The following MALL variants were observed in gnomAD, a reference collection of about 807,000 sequenced individuals.
MALL encodes the protein mal, T cell differentiation protein like.
Under a neutral mutation model 10.3 loss-of-function variants are expected in MALL, and 2 were observed. That is an observed-to-expected ratio of 0.19 (90% CI 0.08 to 0.61). The LOEUF is 0.61. Ranked by LOEUF, MALL falls within the 20% of genes least tolerant of loss-of-function variation. The pLI is 0.88. For missense variants in MALL, 39 were observed against 115.2 expected (o/e 0.34, Z 3.03); for synonymous variants, 27 against 51.8 (o/e 0.52, Z 2.05).
chr2:110,110,101 A>G (rs1475730921), intron 1 of MALL, among the ~76,000 whole-genome samples: 1 of 152,044 alleles, frequency 6.6e-6, no homozygotes, highest in Non-Finnish European at 1.5e-5. Context: ...AGCCCTAAAC[A>G]CCTACATCAA....
At position 110,102,181 on chromosome 2, in the gene MALL, A is replaced by G. The variant is rs183680671; in HGVS notation, c.106-10411T>C. On this transcript the variant is annotated intron_variant, in intron 1 of 3. Transcript: ENST00000272462. ...TTTTGTGACTAATAACCTGCCCTTC[A>G]TTAGGCACCGGGTCACTTAGTTCTG... Among the ~76,000 whole-genome samples the G allele has an allele frequency of 5.6e-4, 85 of 152,258 alleles. 2 individuals are homozygous for G. Among genetic ancestry groups the G allele is most frequent in the African/African-American group, 1.9e-3 (81 of 41,548 alleles).
upstream of MALL, chr2:110,115,909 G>C (rs889318651): frequency 5.2e-4 from 205 of 394,824 alleles, no homozygotes; most frequent in Non-Finnish European, 7.4e-4. Flanking sequence ...AAAAAAAAAC[G>C]TTCCAGCCGA....
intron 1 of MALL, among the ~76,000 whole-genome samples, chr2:110,111,576 A>G (rs145776462): frequency 1.2e-3 from 176 of 152,304 alleles, no homozygotes; most frequent in Non-Finnish European, 1.7e-3. Flanking sequence ...GCTGAAAGAA[A>G]TCACAGATGA....
intron 1 of MALL, chr2:110,097,749 C>T (rs1678477776): frequency 3.5e-6 from 1 of 288,386 alleles, no homozygotes; most frequent in African/African-American, 2.3e-5. Flanking sequence ...GGTGGGTACC[C>T]TGTGGCAGGT....
chr2:110,097,012 G>T (rs1300508962), intron 1 of MALL, among the ~76,000 whole-genome samples: 1 of 150,740 alleles, frequency 6.6e-6, no homozygotes, highest in African/African-American at 2.4e-5. Flanking sequence ...GCTAGGAAAT[G>T]ACCCCTTTAT....
intron 1 of MALL, among the ~76,000 whole-genome samples, chr2:110,111,812 A>C (rs1341085474): frequency 5.3e-5 from 8 of 152,184 alleles, no homozygotes. Flanking sequence ...TGGAGGCATC[A>C]CACTACCTGA....
At chr2:110,112,653 T>A (rs1053141886) in intron 1 of MALL, among the ~76,000 whole-genome samples, 51 of 151,972 alleles carry the variant, frequency 3.4e-4, no homozygotes, top group African/African-American at 1.2e-3. Context: ...AACTAGTACA[T>A]CCACTATGGA....
In MALL at chr2:110,106,866, G is replaced by A. The variant is rs552661347; in HGVS notation, c.105+8822C>T. Among the ~76,000 whole-genome samples, 2 of 152,244 alleles carry A rather than the reference G, an allele frequency of 1.3e-5. 1 individual carries two copies. Among genetic ancestry groups the A allele is most frequent in the South Asian group, 4.1e-4 (2 of 4,830 alleles). ...ACAAATGACGGCAAAGCCAGACCACGGAACGCTACTTAGCAGTAAGAAGGA... is the reference window on the plus strand; with the variant it reads ...ACAAATGACGGCAAAGCCAGACCACAGAACGCTACTTAGCAGTAAGAAGGA... On this transcript the variant is annotated intron_variant, in intron 1 of 3. Transcript: ENST00000272462.
intron 1 of MALL, among the ~76,000 whole-genome samples, chr2:110,109,577 T>C (rs1678759037): frequency 1.3e-5 from 2 of 152,026 alleles, no homozygotes; most frequent in African/African-American, 2.4e-5. Flanking sequence ...ACCTAAGAAA[T>C]GAGATAGAAA....
chr2:110,111,208 G>A (rs1678795704), intron 1 of MALL, among the ~76,000 whole-genome samples: 1 of 152,084 alleles, frequency 6.6e-6, no homozygotes, highest in South Asian at 2.1e-4. Context: ...AGTACTGGAA[G>A]TCCTAGCCAG....
chr2:110,115,531 G>T (rs576300448), intron 1 of MALL, among the ~76,000 whole-genome samples, 157 bp downstream of exon 1: 493 of 147,400 alleles, frequency 3.3e-3, no homozygotes, highest in African/African-American at 0.012. Flanking sequence ...GTCCGAGGCC[G>T]GTCTCCCCCC....
intron 1 of MALL, among the ~76,000 whole-genome samples, chr2:110,102,471 C>T (rs1300897859): frequency 6.6e-6 from 1 of 152,180 alleles, no homozygotes; most frequent in Non-Finnish European, 1.5e-5. Context: ...TGGAGCCTGG[C>T]ATAAAGCAAG....
chr2:110,111,069 T>G (rs992072840), intron 1 of MALL, among the ~76,000 whole-genome samples: 1 of 152,086 alleles, frequency 6.6e-6, no homozygotes, highest in Non-Finnish European at 1.5e-5. Flanking sequence ...GGACATATCT[T>G]AATGTAATAA....
intron 1 of MALL, among the ~76,000 whole-genome samples, chr2:110,096,043 C>T (rs956696787): frequency 3.3e-5 from 5 of 152,074 alleles, no homozygotes; most frequent in South Asian, 2.1e-4. Flanking sequence ...AAAGAGAAGC[C>T]GGCAAAAAAC....
At chr2:110,102,301 C>T (rs1248157819) in intron 1 of MALL, among the ~76,000 whole-genome samples, 4 of 152,134 alleles carry the variant, frequency 2.6e-5, no homozygotes, top group Non-Finnish European at 5.9e-5. Flanking sequence ...TCACCTCCTC[C>T]AGGAAGCCAC....
In MALL at chr2:110,103,169, T is replaced by C. The variant is rs57629000; in HGVS notation, c.106-11399A>G. On this transcript the variant is annotated intron_variant, in intron 1 of 3. Coordinates refer to ENST00000272462, the MANE Select transcript of MALL (RefSeq NM_005434.5). The stretch of plus-strand genomic sequence containing the variant: ...CCCGCTGGTATCTTCTAGGGACAGT[T>C]TGTGGCCAGGGGACAGGAAGTGGTG... 6.4e-3 allele frequency among the ~76,000 whole-genome samples: 967 copies of C among 152,146 alleles called. 11 individuals carry two copies. The highest frequency in any genetic ancestry group is 0.022 in the African/African-American group (931 of 41,536).
chr2:110,107,552 G>C (rs1052867697), intron 1 of MALL, among the ~76,000 whole-genome samples: 1 of 152,100 alleles, frequency 6.6e-6, no homozygotes, highest in Non-Finnish European at 1.5e-5. Context: ...CCCAAGGAGA[G>C]TCTGAGCTCA....
At chr2:110,115,908 C>A (rs1313108544), upstream of MALL, 2 of 387,618 alleles carry the variant, frequency 5.2e-6, no homozygotes, top group Non-Finnish European at 8.7e-6. Context: ...AAAAAAAAAA[C>A]GTTCCAGCCG....
intron 1 of MALL, among the ~76,000 whole-genome samples, chr2:110,107,270 G>A (rs1678716702): frequency 6.6e-6 from 1 of 152,156 alleles, no homozygotes; most frequent in Non-Finnish European, 1.5e-5. Flanking sequence ...ACCGGGGGAA[G>A]CTGGGGAGGA....
Sources: gnomAD v4.1 joint callset for allele counts (sites outside exome capture counted in the v4.1 genomes callset) on GRCh38, gnomAD v4.1.1 for gene constraint, MANE v1.5 for transcripts, NCBI Gene and HGNC (gene_info 2026-07-23, HGNC 2026-07-21) for gene names.